The following RIPK1 variants were observed in gnomAD, a reference collection of about 807,000 sequenced individuals.
The protein encoded by RIPK1 is receptor-interacting serine/threonine-protein kinase 1.
RIPK1 carries 27 observed loss-of-function variants against 62.4 expected under a neutral mutation model. That is an observed-to-expected ratio of 0.43 (90% CI 0.32 to 0.60). RIPK1 has a LOEUF of 0.60. Ranked by LOEUF, RIPK1 falls within the 20% of genes least tolerant of loss-of-function variation. The pLI is 0.07. For missense variants in RIPK1, 735 were observed against 831.0 expected (o/e 0.88, Z 1.42); for synonymous variants, 287 against 303.2 (o/e 0.95, Z 0.55).
intron 7 of RIPK1, among the ~76,000 whole-genome samples, chr6:3,095,211 T>C (rs545778658): frequency 6.6e-6 from 1 of 152,322 alleles, no homozygotes; most frequent in South Asian, 2.1e-4. Context: ...TTAGGTAAAA[T>C]GGACCAATGT....
At chr6:3,104,683 C>T (rs1163846106) in intron 8 of RIPK1, among the ~76,000 whole-genome samples, 1 of 152,076 alleles carries the variant, frequency 6.6e-6, no homozygotes, top group African/African-American at 2.4e-5. Context: ...ATACTTTTTT[C>T]ACTGTAACAA....
intron 8 of RIPK1, 141 bp downstream of exon 8, chr6:3,104,456 A>G: frequency 1.7e-6 from 1 of 573,020 alleles, no homozygotes; most frequent in South Asian, 2.3e-5. Flanking sequence ...AATTTATAAT[A>G]ATATTCGAGA....
At chr6:3,065,995 A>C (rs1461941296), upstream of RIPK1, among the ~76,000 whole-genome samples, 6 of 152,168 alleles carry the variant, frequency 3.9e-5, no homozygotes, top group Non-Finnish European at 7.4e-5. Context: ...TGTCTTCCCC[A>C]TTAGAATGCA....
Position 3,105,656 on chromosome 6 carries a change from A to G in RIPK1, c.1181A>G (p.Gln394Arg). 1 of 1,614,126 alleles carries G rather than the reference A, an allele frequency of 6.2e-7. No individual in the cohort carries two copies. The highest frequency in any genetic ancestry group is 1.1e-5 in the South Asian group (1 of 91,078). Residue 394 changes from glutamine to arginine, a missense_variant, in exon 9 of 11, where the codon CAG becomes CGG. Around this residue, in one of 2 missense-constraint regions of RIPK1, gnomAD observed 671 missense variants for 726.2 expected, o/e 0.92. Coordinates refer to ENST00000259808, the MANE Select transcript of RIPK1 (RefSeq NM_001354930.2). The surrounding 1 kb of genome is among the most constrained non-coding windows in gnomAD (Gnocchi z 4.5). ...CTTTATGGCAGCCGCATGGACAGGC[A>G]GACGAAACAGCAGCCCAGACAGAAT... ...YHLYGSRMDRQTKQQPRQNVA... is the reference protein window; with the variant it reads ...YHLYGSRMDRRTKQQPRQNVA...
chr6:3,090,266 A>G (rs6939090), intron 7 of RIPK1, among the ~76,000 whole-genome samples: 11,230 of 152,194 alleles, frequency 0.074, 1,406 homozygotes, highest in African/African-American at 0.26. Flanking sequence ...TTAGGAACCA[A>G]TCAACTAAGA....
upstream of RIPK1, among the ~76,000 whole-genome samples, chr6:3,066,399 C>T (rs899711113): frequency 2.0e-5 from 3 of 152,110 alleles, no homozygotes; most frequent in African/African-American, 7.2e-5. Flanking sequence ...TAAATATTTA[C>T]TGAAGGAATG....
At position 3,105,861 on chromosome 6, in the gene RIPK1, G is replaced by A. The variant is rs758589713; in HGVS notation, c.1386G>A (p.Leu462=). 11 of 1,614,178 alleles carry A rather than the reference G, an allele frequency of 6.8e-6. No individual in the cohort carries two copies. The highest frequency in any genetic ancestry group is 9.3e-6 in the Non-Finnish European group (11 of 1,180,030). The stretch of plus-strand genomic sequence containing the variant: ...GGCTCACCAGCCAACCTCAAGTACT[G>A]TATCAGAACAATGGATTATATAGCT... ...PSGLTSQPQV[L]YQNNGLYSSH... is the part of the protein sequence containing the mutation. Residue 462 remains leucine, a synonymous_variant, in exon 9 of 11, where the codon CTG becomes CTA. Coordinates refer to ENST00000259808, the MANE Select transcript of RIPK1 (RefSeq NM_001354930.2). The surrounding 1 kb of genome is among the most constrained non-coding windows in gnomAD (Gnocchi z 4.5).
upstream of RIPK1, chr6:3,064,046 A>C (rs1018888210): frequency 4.6e-5 from 7 of 152,258 alleles, no homozygotes; most frequent in Middle Eastern, 3.1e-3. Flanking sequence ...CGCGACACGG[A>C]GACTAGGTGG....
chr6:3,080,807 C>G (rs923107232), intron 3 of RIPK1, among the ~76,000 whole-genome samples, 172 bp from the exon 4 acceptor site: 1 of 151,818 alleles, frequency 6.6e-6, no homozygotes, highest in Non-Finnish European at 1.5e-5. Context: ...CTGCCCCCCC[C>G]CGAATGAAAT....
upstream of RIPK1, chr6:3,068,318 T>C (rs1188827356): frequency 4.1e-6 from 4 of 985,318 alleles, no homozygotes; most frequent in South Asian, 9.4e-5. Flanking sequence ...AGGTTTCGGT[T>C]TCCTCTTTTA....
At chr6:3,069,258 G>C (rs1465306027) in intron 1 of RIPK1, among the ~76,000 whole-genome samples, 1 of 152,202 alleles carries the variant, frequency 6.6e-6, no homozygotes, top group African/African-American at 2.4e-5. Context: ...TTACTGTTGC[G>C]CTTGAGGCCG....
chr6:3,069,319 G>T (rs993166517), intron 1 of RIPK1, among the ~76,000 whole-genome samples: 2 of 152,236 alleles, frequency 1.3e-5, no homozygotes, highest in Non-Finnish European at 2.9e-5. Flanking sequence ...GACGACTGAG[G>T]GGACGAATGT....
intron 6 of RIPK1, among the ~76,000 whole-genome samples, chr6:3,087,473 A>G (rs1759762851): frequency 6.8e-6 from 1 of 147,792 alleles, no homozygotes; most frequent in South Asian, 2.1e-4. Context: ...TCTCTTATTC[A>G]GACTGGGTAA....
intron 1 of RIPK1, among the ~76,000 whole-genome samples, chr6:3,073,551 G>A (rs1758877263): frequency 6.6e-6 from 1 of 151,932 alleles, no homozygotes; most frequent in Non-Finnish European, 1.5e-5. Context: ...CATCTAGGCA[G>A]CCCCCCGCCT....
chr6:3,077,192 TA>T (rs1759114029), intron 2 of RIPK1, among the ~76,000 whole-genome samples: 1 of 152,004 alleles, frequency 6.6e-6, no homozygotes, highest in Admixed American at 6.6e-5. Context: ...TCACAGCTGG[TA>T]AGTAACAGAA....
At chr6:3,073,293 T>C (rs1758853894) in intron 1 of RIPK1, among the ~76,000 whole-genome samples, 3 of 151,760 alleles carry the variant, frequency 2.0e-5, no homozygotes, top group Admixed American at 2.0e-4. Context: ...TGTATATTTA[T>C]ACGTATACAT....
chr6:3,085,318 G>A lies in RIPK1; in HGVS notation c.748G>A (p.Asp250Asn). 6.2e-7 allele frequency: 1 copy of A among 1,614,198 alleles called. No homozygotes were observed. The highest frequency in any genetic ancestry group is 1.3e-5 in the African/African-American group (1 of 75,060). Residue 250 changes from aspartate to asparagine, a missense_variant, in exon 6 of 11, where the codon GAT (aspartate) becomes AAT (asparagine). Around this residue, in one of 2 missense-constraint regions of RIPK1, gnomAD observed 671 missense variants for 726.2 expected, o/e 0.92. Transcript: ENST00000259808. ...CIKSGNRPDV[D>N]DITEYCPREI... ...AAAATCTGGGAACAGGCCAGATGTG[G>A]ATGACATCACTGAGTACTGCCCAAG...
chr6:3,107,562 CAA>C lies in RIPK1; in HGVS notation c.1576+1535_1576+1536del, dbSNP rs60843872. Among the ~76,000 whole-genome samples the C allele has an allele frequency of 3.3e-3, 155 of 46,278 alleles. 1 individual carries two copies. Among genetic ancestry groups the C allele is most frequent in the African/African-American group, 7.3e-3 (114 of 15,514 alleles). 30.4% of individuals were successfully genotyped at this position (46,278 alleles called of 152,430 possible). On this transcript the variant is annotated intron_variant, in intron 9 of 10. Transcript: ENST00000259808. Reference sequence around the variant, plus strand: ...CCTGGGTGACAGAGCGAGACTGTCGCAAAAAAAAAAAAAAAAAAAAAAAAATT... The same window carrying C: ...CCTGGGTGACAGAGCGAGACTGTCGCAAAAAAAAAAAAAAAAAAAAAAATT...
At chr6:3,112,456 A>T (rs1761212023) in intron 10 of RIPK1, among the ~76,000 whole-genome samples, 1 of 152,228 alleles carries the variant, frequency 6.6e-6, no homozygotes, top group African/African-American at 2.4e-5. Flanking sequence ...CCTCGTAGCC[A>T]CACAGGGGTT....
Sources: gnomAD v4.1 joint callset for allele counts (sites outside exome capture counted in the v4.1 genomes callset) on GRCh38, gnomAD v4.1.1 for gene constraint, gnomAD v4.1.1 regional missense constraint, Gnocchi (gnomAD v3.1) non-coding constraint, MANE v1.5 for transcripts, NCBI Gene and HGNC (gene_info 2026-07-23, HGNC 2026-07-21) for gene names.